The following PCDHA5 variants were observed in gnomAD, a reference collection of about 807,000 sequenced individuals.
PCDHA5 encodes the protein protocadherin alpha-5.
Under a neutral mutation model 61.6 loss-of-function variants are expected in PCDHA5, and 43 were observed. That is an observed-to-expected ratio of 0.70 (90% CI 0.55 to 0.90). The LOEUF is 0.90. Ranked by LOEUF, PCDHA5 falls within the 40% of genes least tolerant of loss-of-function variation. The probability of loss-of-function intolerance (pLI) is 0.00; values close to 1 mark genes in which losing one functional copy is unlikely to be tolerated. For missense variants in PCDHA5, 1,298 were observed against 1,222.7 expected, an observed-to-expected ratio of 1.06 and a Z score of -0.92; for synonymous variants, 627 against 543.9, an observed-to-expected ratio of 1.15 and a Z score of -2.13.
chr5:141,001,387 C>T (rs1282982040), intron 3 of PCDHA5, among the ~76,000 whole-genome samples: 3 of 152,188 alleles, frequency 2.0e-5, no homozygotes, highest in African/African-American at 7.2e-5. Context: ...GCCTAAGATC[C>T]TACAGAGAAC....
At chr5:140,890,707 T>A (rs1217575075) in intron 1 of PCDHA5, among the ~76,000 whole-genome samples, 1 of 152,206 alleles carries the variant, frequency 6.6e-6, no homozygotes, top group African/African-American at 2.4e-5. Context: ...CTTACATTTT[T>A]AAAATCTTTT....
intron 1 of PCDHA5, chr5:140,843,752 T>C: frequency 6.6e-7 from 1 of 1,516,544 alleles, no homozygotes; most frequent in South Asian, 1.2e-5. Context: ...TAAATTCTAT[T>C]TGTGGAAATT....
chr5:140,907,034 C>G (rs1554192846), intron 1 of PCDHA5, among the ~76,000 whole-genome samples: 1 of 152,142 alleles, frequency 6.6e-6, no homozygotes, highest in Admixed American at 6.5e-5. Context: ...AACATAATGT[C>G]ACAGGGACAG....
At chr5:140,964,753 T>A (rs1411001872) in intron 1 of PCDHA5, among the ~76,000 whole-genome samples, 1 of 149,084 alleles carries the variant, frequency 6.7e-6, no homozygotes, top group East Asian at 1.9e-4. Context: ...TGTAGGGATG[T>A]TTGGGGAGGA....
rs2150289846 is a variant in PCDHA5, at chr5:140,838,476, G to A, written c.2352+14349G>A. On this transcript the variant is annotated intron_variant, in intron 1 of 3. Transcript: ENST00000529859. ...ATTATTTCATTAGCGCTTATTCCTT[G>A]TTTTTGATTATTTGCTTTCTTATTT... Among the ~76,000 whole-genome samples, 461 of 151,412 alleles carry A rather than the reference G, an allele frequency of 3.0e-3. 6 individuals carry two copies. Among genetic ancestry groups the A allele is most frequent in the Middle Eastern group, 0.014 (4 of 294 alleles).
intron 1 of PCDHA5, chr5:140,850,894 G>A (rs1554145013): frequency 6.3e-7 from 1 of 1,575,006 alleles, no homozygotes; most frequent in African/African-American, 1.4e-5. Context: ...GGGAAGGTGG[G>A]TTTTTCTAGC....
intron 1 of PCDHA5, among the ~76,000 whole-genome samples, chr5:140,896,645 A>G (rs988054711): frequency 1.3e-5 from 2 of 151,728 alleles, no homozygotes; most frequent in African/African-American, 4.8e-5. Context: ...CCAAAGTGCT[A>G]GTATTACAGG....
chr5:140,884,105 C>T, intron 1 of PCDHA5: 2 of 1,613,466 alleles, frequency 1.2e-6, no homozygotes, highest in South Asian at 2.2e-5. Flanking sequence ...TGAATTGCAG[C>T]TGGCGGCGGT....
chr5:140,927,418 C>T (rs1296760547), intron 1 of PCDHA5: 3 of 1,614,106 alleles, frequency 1.9e-6, no homozygotes, highest in Admixed American at 1.7e-5. Flanking sequence ...CATGGGATCG[C>T]GGGTTGACGG....
intron 1 of PCDHA5, among the ~76,000 whole-genome samples, chr5:140,920,387 A>C (rs1163833842): frequency 6.6e-6 from 1 of 152,216 alleles, no homozygotes; most frequent in East Asian, 1.9e-4. Flanking sequence ...TCATATTACC[A>C]TCTGGTGTCT....
intron 3 of PCDHA5, among the ~76,000 whole-genome samples, chr5:140,993,462 T>TCTCA (rs1235362335): frequency 6.4e-5 from 9 of 140,938 alleles, no homozygotes; most frequent in African/African-American, 2.1e-4. Context: ...TCTTTCTTTC[T>TCTCA]CACACACACA....
chr5:140,845,528 T>G (rs1779913458), intron 1 of PCDHA5, among the ~76,000 whole-genome samples: 1 of 149,556 alleles, frequency 6.7e-6, no homozygotes, highest in African/African-American at 2.4e-5. Context: ...TTAATACTTT[T>G]CACTATTCTA....
At chr5:140,828,561 C>A (rs2150156811) in intron 1 of PCDHA5, 1 of 1,614,178 alleles carries the variant, frequency 6.2e-7, no homozygotes, top group African/African-American at 1.3e-5. Flanking sequence ...CTGGAGGGCG[C>A]GTCCGATGCA....
At chr5:140,894,997 T>C (rs566489828) in intron 1 of PCDHA5, among the ~76,000 whole-genome samples, 4 of 152,178 alleles carry the variant, frequency 2.6e-5, no homozygotes, top group Non-Finnish European at 5.9e-5. Flanking sequence ...TCCTTTACCC[T>C]TTTTACTTGG....
chr5:140,842,420 A>G, intron 1 of PCDHA5: 2 of 1,613,364 alleles, frequency 1.2e-6, no homozygotes, highest in Non-Finnish European at 1.7e-6. Context: ...TCAATTTGGT[A>G]CTGTCATCGC....
chr5:140,950,646 G>T (rs1221939583), intron 1 of PCDHA5, among the ~76,000 whole-genome samples: 2 of 151,884 alleles, frequency 1.3e-5, no homozygotes, highest in African/African-American at 4.8e-5. Context: ...TCCTGTTTAT[G>T]GTTGGCTGAG....
At chr5:140,917,259 T>C (rs1246984274) in intron 1 of PCDHA5, among the ~76,000 whole-genome samples, 2 of 151,338 alleles carry the variant, frequency 1.3e-5, no homozygotes, top group East Asian at 3.9e-4. Flanking sequence ...GCTCACCTGA[T>C]GTTTGGTTTT....
intron 3 of PCDHA5, among the ~76,000 whole-genome samples, chr5:140,993,344 A>G (rs1379621962): frequency 1.3e-5 from 2 of 152,022 alleles, no homozygotes; most frequent in Admixed American, 6.6e-5. Context: ...GAAGGGCACT[A>G]CGAAGATCCT....
chr5:140,961,887 G>GTT (rs35680913), intron 1 of PCDHA5, among the ~76,000 whole-genome samples: 78 of 143,932 alleles, frequency 5.4e-4, no homozygotes, highest in African/African-American at 1.2e-3. Flanking sequence ...ACTTACATCA[G>GTT]TTTTTTTTTT....
Sources: allele counts gnomAD v4.1 joint callset (sites outside exome capture counted in the v4.1 genomes callset), GRCh38; gene constraint gnomAD v4.1.1; transcripts MANE v1.5; gene names NCBI Gene and HGNC (gene_info 2026-07-23, HGNC 2026-07-21).